Variants in PPM1L observed in about 807,000 individuals in gnomAD.
PPM1L encodes protein phosphatase, Mg2+/Mn2+ dependent 1L, also known as protein phosphatase 1L.
Under a neutral mutation model 31.4 loss-of-function variants are expected in PPM1L, and 13 were observed. The observed-to-expected ratio is 0.41, with a 90% CI of 0.27 to 0.66. The LOEUF is 0.66. PPM1L is among the 30% of genes least tolerant of loss of function. PPM1L has a pLI of 0.29. For synonymous variants in PPM1L, 184 were observed against 175.4 expected, an observed-to-expected ratio of 1.05 and a Z score of -0.39; for missense variants, 326 against 453.7, an observed-to-expected ratio of 0.72 and a Z score of 2.56.
Position 160,795,908 on chromosome 3 carries a change from C to T in PPM1L, c.399+39201C>T, listed in dbSNP as rs74330099. ...TTTGATCTCATAGTGGCTTTGCAAACCAGTGCTCAGTGCTACTGATTTCAA... is the reference window on the plus strand; with the variant it reads ...TTTGATCTCATAGTGGCTTTGCAAATCAGTGCTCAGTGCTACTGATTTCAA... On this transcript the variant is annotated intron_variant, in intron 1 of 3. Coordinates refer to ENST00000498165, the MANE Select transcript of PPM1L (RefSeq NM_139245.4). 5.6e-4 allele frequency among the ~76,000 whole-genome samples: 85 copies of T among 152,290 alleles called. No homozygotes were observed. The East Asian group carries it at 0.012, about 22-fold the overall frequency.
At chr3:161,060,020 C>G (rs149151422) in intron 2 of PPM1L, among the ~76,000 whole-genome samples, 13 of 152,168 alleles carry the variant, frequency 8.5e-5, no homozygotes, top group Non-Finnish European at 1.9e-4. Context: ...TCAGGTATTT[C>G]TTTATAGCAG....
intron 2 of PPM1L, among the ~76,000 whole-genome samples, chr3:161,051,890 T>C (rs1719290541): frequency 6.6e-6 from 1 of 152,228 alleles, no homozygotes; most frequent in Admixed American, 6.5e-5. Context: ...TCCCATAATT[T>C]CCTGATTTTC....
Position 161,077,737 on chromosome 3 carries a change from C to T in PPM1L, c.*8580C>T, listed in dbSNP as rs1280841452. 1 of 152,010 alleles carries T rather than the reference C, an allele frequency of 6.6e-6. No homozygotes were observed. The highest frequency in any genetic ancestry group is 1.5e-5 in the Non-Finnish European group (1 of 68,008). 9.4% of individuals were successfully genotyped at this position (152,010 alleles called of 1,614,324 possible). On this transcript the variant is annotated 3_prime_UTR_variant, in exon 4 of 4. Coordinates refer to ENST00000498165, the MANE Select transcript of PPM1L (RefSeq NM_139245.4). Reference sequence around the variant, plus strand: ...TTTTTTAAATCATAAATTTGGTATCCATAGTTACTTTACACATTCCAGAGT... The same window carrying T: ...TTTTTTAAATCATAAATTTGGTATCTATAGTTACTTTACACATTCCAGAGT...
chr3:160,969,318 C>G (rs1405189880), intron 2 of PPM1L, among the ~76,000 whole-genome samples: 1 of 152,186 alleles, frequency 6.6e-6, no homozygotes, highest in Non-Finnish European at 1.5e-5. Context: ...GGAGGGTTAC[C>G]TCCTATTGAG....
chr3:161,018,224 G>A (rs1718139308), intron 2 of PPM1L, among the ~76,000 whole-genome samples: 1 of 152,056 alleles, frequency 6.6e-6, no homozygotes. Context: ...TCTCCATGGT[G>A]GATCACAAAG....
intron 2 of PPM1L, among the ~76,000 whole-genome samples, chr3:161,012,158 C>A (rs1323541005): frequency 1.3e-5 from 2 of 152,152 alleles, no homozygotes; most frequent in African/African-American, 4.8e-5. Context: ...GTGGGTTTGT[C>A]ATAGATAGCT....
At chr3:160,914,168 A>T (rs1340200233) in intron 1 of PPM1L, among the ~76,000 whole-genome samples, 1 of 151,772 alleles carries the variant, frequency 6.6e-6, no homozygotes. Flanking sequence ...TTTATTTTTC[A>T]TTTCTTTGGT....
intron 1 of PPM1L, among the ~76,000 whole-genome samples, chr3:160,798,045 G>A (rs1712312536): frequency 6.6e-6 from 1 of 152,266 alleles, no homozygotes; most frequent in Non-Finnish European, 1.5e-5. Context: ...GGGCGTGGTA[G>A]TGCGTGCCTG....
At chr3:160,864,705 C>G (rs560035138) in intron 1 of PPM1L, among the ~76,000 whole-genome samples, 18 of 152,302 alleles carry the variant, frequency 1.2e-4, no homozygotes, top group African/African-American at 4.3e-4. Context: ...TGGATAGCTA[C>G]CACTACTGAC....
At chr3:161,063,485 A>AATT (rs10627812) in intron 2 of PPM1L, among the ~76,000 whole-genome samples, 37,851 of 151,960 alleles carry the variant, frequency 0.25, 5,276 homozygotes, top group African/African-American at 0.37. Flanking sequence ...TAGTTATTTT[A>AATT]ATTCTCTCTG....
intron 1 of PPM1L, among the ~76,000 whole-genome samples, chr3:160,878,440 G>A (rs1269006888): frequency 6.6e-6 from 1 of 152,176 alleles, no homozygotes; most frequent in African/African-American, 2.4e-5. Flanking sequence ...CTAGCTTGCG[G>A]ATGGTTGTTT....
intron 1 of PPM1L, chr3:160,870,467 A>G (rs578131461): frequency 6.6e-6 from 1 of 152,402 alleles, no homozygotes; most frequent in East Asian, 1.9e-4. Context: ...GCTCTGGTGC[A>G]GGGCATAATA....
intron 2 of PPM1L, among the ~76,000 whole-genome samples, chr3:160,989,081 A>C (rs545608982): frequency 6.6e-6 from 1 of 152,354 alleles, no homozygotes; most frequent in South Asian, 2.1e-4. Flanking sequence ...ATAGAAACAA[A>C]TAAGACAATC....
intron 2 of PPM1L, among the ~76,000 whole-genome samples, chr3:161,060,721 CTT>C (rs60605185): frequency 7.7e-6 from 1 of 130,690 alleles, no homozygotes. Flanking sequence ...TGTGAATTCG[CTT>C]TTTTTTTTTT....
Position 160,814,548 on chromosome 3 carries a change from TAC to T in PPM1L, c.399+57851_399+57852del, listed in dbSNP as rs1212031148. On this transcript the variant is annotated intron_variant, in intron 1 of 3. Coordinates refer to ENST00000498165, the MANE Select transcript of PPM1L (RefSeq NM_139245.4). ...ACACATATGTATGTATGTGTATATA[TAC>T]ACACACACATATGTATGTATGTGTA... Among the ~76,000 whole-genome samples, 398 of 117,694 alleles carry T rather than the reference TAC, an allele frequency of 3.4e-3. 1 individual carries two copies. Among genetic ancestry groups the T allele is most frequent in the Non-Finnish European group, 6.0e-3 (306 of 50,610 alleles). The allele number at this position is 117,694 out of a possible 152,430, so 77.2% of individuals were successfully genotyped here.
At chr3:161,031,378 C>T (rs1194822969) in intron 2 of PPM1L, among the ~76,000 whole-genome samples, 1 of 152,188 alleles carries the variant, frequency 6.6e-6, no homozygotes, top group African/African-American at 2.4e-5. Context: ...AGGTCATTTG[C>T]CTGAGGGCAT....
chr3:160,842,285 T>A, intron 1 of PPM1L: 1 of 702,564 alleles, frequency 1.4e-6, no homozygotes, highest in African/African-American at 1.7e-5. Flanking sequence ...ATGCCTGCTT[T>A]TTCAACAGTG....
chr3:160,949,516 A>C (rs1715509628), intron 1 of PPM1L, among the ~76,000 whole-genome samples: 1 of 152,166 alleles, frequency 6.6e-6, no homozygotes, highest in African/African-American at 2.4e-5. Flanking sequence ...GAAGAGAGGC[A>C]AATGTCAGAG....
intron 2 of PPM1L, among the ~76,000 whole-genome samples, chr3:160,981,732 T>TTTTATTTATTTA (rs571936460): frequency 0.029 from 4,015 of 139,842 alleles, 81 homozygotes; most frequent in Middle Eastern, 0.047. Flanking sequence ...TTCCTTCTCA[T>TTTTATTTATTTA]TTTATTTATT....
Sources: allele counts gnomAD v4.1 joint callset (sites outside exome capture counted in the v4.1 genomes callset), GRCh38; gene constraint gnomAD v4.1.1; transcripts MANE v1.5; gene names NCBI Gene and HGNC (gene_info 2026-07-23, HGNC 2026-07-21).